EXOC4: variants seen among roughly 807,000 people sequenced by gnomAD.
The protein encoded by EXOC4 is exocyst complex component 4.
EXOC4 carries 71 observed loss-of-function variants against 107.2 expected under a neutral mutation model. That is an observed-to-expected ratio of 0.66 (90% confidence interval 0.55 to 0.81). The LOEUF (loss-of-function observed/expected upper bound fraction) is 0.81, where lower values mean the gene tolerates loss of function less well. Ranked by LOEUF, EXOC4 falls within the 30% of genes least tolerant of loss-of-function variation. The pLI is 0.00. For missense variants in EXOC4, 1,108 were observed against 1,189.6 expected (o/e 0.93, Z 1.01); for synonymous variants, 456 against 441.2 (o/e 1.03, Z -0.42).
chr7:133,309,706 G>A (rs1325622778), intron 4 of EXOC4, among the ~76,000 whole-genome samples: 2 of 152,184 alleles, frequency 1.3e-5, no homozygotes, highest in Non-Finnish European at 2.9e-5. Context: ...TTGGGAAGCC[G>A]AGGTGGGAGG....
At chr7:133,751,837 A>T (rs1795799610) in intron 10 of EXOC4, among the ~76,000 whole-genome samples, 1 of 151,738 alleles carries the variant, frequency 6.6e-6, no homozygotes, top group Non-Finnish European at 1.5e-5. Flanking sequence ...TGAATTTTCT[A>T]ATTTATTTTC....
intron 9 of EXOC4, among the ~76,000 whole-genome samples, chr7:133,574,877 T>A (rs1384209697): frequency 2.0e-5 from 3 of 152,214 alleles, no homozygotes; most frequent in Non-Finnish European, 4.4e-5. Context: ...TCCTTTATCT[T>A]CAGCGTTGAT....
chr7:133,778,533 G>A (rs953403271), intron 10 of EXOC4, among the ~76,000 whole-genome samples: 2 of 152,228 alleles, frequency 1.3e-5, no homozygotes, highest in African/African-American at 4.8e-5. Context: ...GCAGTGAGCC[G>A]TGATCACACC....
chr7:133,983,524 A>G (rs983973305), intron 14 of EXOC4, among the ~76,000 whole-genome samples: 1 of 152,172 alleles, frequency 6.6e-6, no homozygotes, highest in African/African-American at 2.4e-5. Context: ...TGTTTGGTTC[A>G]GTTTCACCAA....
At chr7:133,977,543 A>G (rs545328032) in intron 14 of EXOC4, among the ~76,000 whole-genome samples, 2 of 152,336 alleles carry the variant, frequency 1.3e-5, no homozygotes, top group East Asian at 3.9e-4. Flanking sequence ...TTTGACTTCT[A>G]TCCCTGCCTT....
chr7:133,723,231 G>A lies in EXOC4; in HGVS notation c.1514+93090G>A, dbSNP rs183176886. Among the ~76,000 whole-genome samples, 10 of 152,342 alleles carry A rather than the reference G, an allele frequency of 6.6e-5. No homozygotes were observed. The East Asian group carries it at 1.9e-3, about 29-fold the overall frequency. On this transcript the variant is annotated intron_variant, in intron 10 of 17. Transcript: ENST00000253861. ...AAAAGAGGGGAGAAGAGGTCAGGCA[G>A]TTTATAGCAAAGTCTGCTGTGCTGC... is the stretch of plus-strand genomic sequence containing the variant.
chr7:133,830,921 A>G (rs1309711127), intron 11 of EXOC4, among the ~76,000 whole-genome samples: 1 of 151,998 alleles, frequency 6.6e-6, no homozygotes, highest in African/African-American at 2.4e-5. Flanking sequence ...TAAATGTGAT[A>G]GTTTTCTCAC....
Position 133,997,579 on chromosome 7 carries a change from A to G in EXOC4, c.2294A>G (p.Lys765Arg), listed in dbSNP as rs764781492. ...QIMQTLSELA[K>R]SFQDMADRCL... The stretch of plus-strand genomic sequence containing the variant: ...ATGCAGACTCTCAGTGAACTTGCCA[A>G]ATCGTTCCAGGATATGGCTGACCGC... Residue 765 changes from lysine (K) to arginine (R), a missense_variant, in exon 15 of 18, where the codon AAA (lysine) becomes AGA (arginine). Coordinates refer to ENST00000253861, the MANE Select transcript of EXOC4 (RefSeq NM_021807.4). 8 of 1,613,710 alleles carry G rather than the reference A, an allele frequency of 5.0e-6. No homozygotes were observed. The highest frequency in any genetic ancestry group is 1.3e-5 in the African/African-American group (1 of 75,014).
intron 7 of EXOC4, among the ~76,000 whole-genome samples, chr7:133,392,437 A>G (rs1354621241): frequency 6.6e-6 from 1 of 152,102 alleles, no homozygotes; most frequent in African/African-American, 2.4e-5. Context: ...TCCTTTACCT[A>G]AGGTGAATAC....
chr7:133,325,031 A>C (rs1795205141), intron 5 of EXOC4, among the ~76,000 whole-genome samples: 2 of 152,068 alleles, frequency 1.3e-5, no homozygotes, highest in African/African-American at 2.4e-5. Context: ...TAGGATTGCA[A>C]CCCCTGCCTT....
At chr7:133,908,290 T>A (rs112643172) in intron 12 of EXOC4, among the ~76,000 whole-genome samples, 157 of 152,360 alleles carry the variant, frequency 1.0e-3, no homozygotes, top group Non-Finnish European at 1.7e-3. Context: ...ACAATTCTGT[T>A]GAATTAGATT....
At chr7:133,569,880 A>G (rs1268227055) in intron 9 of EXOC4, among the ~76,000 whole-genome samples, 1 of 152,100 alleles carries the variant, frequency 6.6e-6, no homozygotes, top group African/African-American at 2.4e-5. Context: ...TATATTTTAC[A>G]TCTCTGTCAC....
At chr7:133,253,356 T>C (rs7790835) in intron 1 of EXOC4, 169 bp downstream of exon 1, 93,624 of 1,390,598 alleles carry the variant, frequency 0.067, 10,673 homozygotes, top group African/African-American at 0.48. Context: ...CAATTCCCCC[T>C]CCACCTTTTT....
chr7:134,039,817 TC>T (rs1795473655), intron 17 of EXOC4, among the ~76,000 whole-genome samples: 1 of 152,224 alleles, frequency 6.6e-6, no homozygotes, highest in Admixed American at 6.5e-5. Context: ...GGTTGTTCAC[TC>T]CTGATTCTTT....
chr7:133,959,848 A>G (rs1800901342), intron 14 of EXOC4, among the ~76,000 whole-genome samples: 1 of 152,184 alleles, frequency 6.6e-6, no homozygotes, highest in Non-Finnish European at 1.5e-5. Context: ...TCAACCTAGA[A>G]TTGTTTATCT....
intron 10 of EXOC4, among the ~76,000 whole-genome samples, chr7:133,767,301 C>T (rs1357104595): frequency 6.6e-6 from 1 of 151,900 alleles, no homozygotes; most frequent in Non-Finnish European, 1.5e-5. Flanking sequence ...TGCTAATTTT[C>T]TGAGCCTCAG....
At chr7:133,804,980 T>C (rs1053184392) in intron 10 of EXOC4, among the ~76,000 whole-genome samples, 1 of 152,188 alleles carries the variant, frequency 6.6e-6, no homozygotes, top group African/African-American at 2.4e-5. Flanking sequence ...CTAAACAAGC[T>C]GTAAAAATAA....
intron 11 of EXOC4, among the ~76,000 whole-genome samples, chr7:133,854,139 C>T (rs980036161): frequency 6.6e-6 from 1 of 152,112 alleles, no homozygotes. Context: ...AGGTCCAGCC[C>T]ATTTGGCTGT....
At chr7:133,607,066 G>A (rs1801966626) in intron 9 of EXOC4, among the ~76,000 whole-genome samples, 1 of 152,168 alleles carries the variant, frequency 6.6e-6, no homozygotes, top group Non-Finnish European at 1.5e-5. Flanking sequence ...GTTTTGGCAA[G>A]CATCATTGTC....
Sources: gnomAD v4.1 joint callset for allele counts (sites outside exome capture counted in the v4.1 genomes callset) on GRCh38, gnomAD v4.1.1 for gene constraint, MANE v1.5 for transcripts, NCBI Gene and HGNC (gene_info 2026-07-23, HGNC 2026-07-21) for gene names.